The following CACNA2D3 variants were observed in gnomAD, a reference collection of about 807,000 sequenced individuals.
The protein encoded by CACNA2D3 is calcium voltage-gated channel auxiliary subunit alpha2delta 3, also known as voltage-dependent calcium channel subunit alpha-2/delta-3.
A neutral mutation model predicts 160.6 loss-of-function variants in CACNA2D3; 60 were observed. The observed-to-expected ratio is 0.37, with a 90% CI of 0.30 to 0.46. The LOEUF (loss-of-function observed/expected upper bound fraction) is 0.46. CACNA2D3 is among the 20% of genes least tolerant of loss of function. The probability of loss-of-function intolerance (pLI) is 1.00; values close to 1 mark genes in which losing one functional copy is unlikely to be tolerated. For synonymous variants in CACNA2D3, 558 were observed against 492.9 expected, an observed-to-expected ratio of 1.13 and a Z score of -1.75; for missense variants, 1,205 against 1,365.0, an observed-to-expected ratio of 0.88 and a Z score of 1.85.
intron 5 of CACNA2D3, among the ~76,000 whole-genome samples, chr3:54,533,613 G>A (rs1453103663): frequency 3.9e-5 from 6 of 152,104 alleles, no homozygotes; most frequent in Admixed American, 3.9e-4. Flanking sequence ...GGGATTACAG[G>A]TGTGAGCCAC....
At chr3:55,050,355 A>G (rs1001187156) in intron 35 of CACNA2D3, among the ~76,000 whole-genome samples, 5 of 150,410 alleles carry the variant, frequency 3.3e-5, no homozygotes, top group East Asian at 2.0e-4. Flanking sequence ...TTTCTCCTTC[A>G]CTTCTGAAGC....
chr3:54,798,756 C>T (rs186602049), intron 13 of CACNA2D3, among the ~76,000 whole-genome samples: 1 of 152,184 alleles, frequency 6.6e-6, no homozygotes, highest in Non-Finnish European at 1.5e-5. Flanking sequence ...AACCCACTAG[C>T]GAGCAGCAGC....
rs141897060 is a variant in CACNA2D3 at position 54,611,887 on chromosome 3, T to C, written c.964-15900T>C. Among the ~76,000 whole-genome samples, 31 of 152,342 alleles carry C rather than the reference T, an allele frequency of 2.0e-4. No homozygotes were observed. In the East Asian group the frequency reaches 6.0e-3, roughly 29 times the overall value. The stretch of plus-strand genomic sequence containing the variant: ...ATAAATGAATTCAGCACACATACTG[T>C]TAAAGGGATGTTTGTTTTATCTTTC... On this transcript the variant is annotated intron_variant, in intron 9 of 37. Transcript: ENST00000474759.
chr3:54,196,019 C>G (rs749165811), intron 2 of CACNA2D3, among the ~76,000 whole-genome samples: 1 of 152,124 alleles, frequency 6.6e-6, no homozygotes, highest in Non-Finnish European at 1.5e-5. Flanking sequence ...GTCACATCAC[C>G]GAGGACAATG....
rs549607542 is a variant in CACNA2D3, at chr3:54,857,451, G to GC, written c.1626+10985dup. Among the ~76,000 whole-genome samples, 17 of 152,252 alleles carry GC rather than the reference G, an allele frequency of 1.1e-4. No homozygotes were observed. In the East Asian group the frequency reaches 2.1e-3, roughly 19 times the overall value. On this transcript the variant is annotated intron_variant, in intron 17 of 37. Transcript: ENST00000474759. ...GCAGACAAGATGTGACGAGAAATTAGCATCCCTCAGCCAAAGACTGCCCTT... is the reference window on the plus strand; with the variant it reads ...GCAGACAAGATGTGACGAGAAATTAGCCATCCCTCAGCCAAAGACTGCCCTT...
intron 14 of CACNA2D3, among the ~76,000 whole-genome samples, chr3:54,831,495 C>T (rs1405556571): frequency 1.3e-5 from 2 of 152,250 alleles, no homozygotes; most frequent in Non-Finnish European, 2.9e-5. Context: ...ATAGCCACAG[C>T]TGCTCCCCAC....
intron 12 of CACNA2D3, among the ~76,000 whole-genome samples, chr3:54,762,457 T>C (rs1349921593): frequency 1.3e-5 from 2 of 152,194 alleles, no homozygotes; most frequent in Non-Finnish European, 2.9e-5. Flanking sequence ...AAGTTTTAGC[T>C]TAATGTTGAA....
At chr3:54,542,114 T>G (rs1701990651) in intron 5 of CACNA2D3, among the ~76,000 whole-genome samples, 1 of 152,002 alleles carries the variant, frequency 6.6e-6, no homozygotes, top group Non-Finnish European at 1.5e-5. Flanking sequence ...CAGGCTGGAG[T>G]GCAGTGGCGT....
intron 27 of CACNA2D3, among the ~76,000 whole-genome samples, chr3:54,907,959 A>G (rs1395028716): frequency 1.3e-5 from 2 of 152,190 alleles, no homozygotes; most frequent in Non-Finnish European, 1.5e-5. Context: ...AACATTTAGC[A>G]CATCCATTCA....
intron 11 of CACNA2D3, among the ~76,000 whole-genome samples, chr3:54,664,996 T>C (rs1244766823): frequency 1.3e-5 from 2 of 152,196 alleles, no homozygotes; most frequent in African/African-American, 4.8e-5. Context: ...TCCTTTGTAT[T>C]ACCATTGTTC....
chr3:54,823,349 T>C (rs1309876084), intron 14 of CACNA2D3, among the ~76,000 whole-genome samples: 1 of 152,088 alleles, frequency 6.6e-6, no homozygotes, highest in Non-Finnish European at 1.5e-5. Flanking sequence ...AAAAACAAAG[T>C]AAAAACAATA....
At chr3:54,548,477 A>C (rs189030015) in intron 5 of CACNA2D3, among the ~76,000 whole-genome samples, 3 of 152,298 alleles carry the variant, frequency 2.0e-5, no homozygotes, top group African/African-American at 7.2e-5. Context: ...CCCATTGGCT[A>C]TTTGAAGCTC....
intron 11 of CACNA2D3, among the ~76,000 whole-genome samples, chr3:54,643,185 A>G (rs1442514003): frequency 6.6e-6 from 1 of 152,332 alleles, no homozygotes; most frequent in South Asian, 2.1e-4. Context: ...TCTGTTTTGC[A>G]TACTTAATTT....
At chr3:54,747,712 C>G (rs1161237804) in intron 11 of CACNA2D3, among the ~76,000 whole-genome samples, 1 of 152,084 alleles carries the variant, frequency 6.6e-6, no homozygotes, top group African/African-American at 2.4e-5. Context: ...CTGGAGCTTC[C>G]CTGTCGCAGG....
chr3:54,128,898 A>G (rs1469562113), intron 2 of CACNA2D3, among the ~76,000 whole-genome samples: 2 of 152,232 alleles, frequency 1.3e-5, no homozygotes, highest in East Asian at 3.8e-4. Flanking sequence ...TTTATACAAG[A>G]GACATAACGG....
At chr3:54,245,858 T>C (rs1326584208) in intron 2 of CACNA2D3, among the ~76,000 whole-genome samples, 1 of 152,232 alleles carries the variant, frequency 6.6e-6, no homozygotes, top group Non-Finnish European at 1.5e-5. Flanking sequence ...TAAAAGAGTG[T>C]ATTGTCAAGA....
chr3:55,063,344 C>T (rs373647999), intron 35 of CACNA2D3, among the ~76,000 whole-genome samples: 97 of 150,292 alleles, frequency 6.5e-4, no homozygotes, highest in African/African-American at 2.3e-3. Context: ...CTAGACCAGA[C>T]AGTCTCAGCC....
intron 4 of CACNA2D3, among the ~76,000 whole-genome samples, chr3:54,406,969 A>C (rs1345791782): frequency 6.6e-6 from 1 of 152,206 alleles, no homozygotes; most frequent in Non-Finnish European, 1.5e-5. Flanking sequence ...GTGGAACAGC[A>C]AACAGCAGAG....
At chr3:54,564,835 C>T (rs1179315858) in intron 6 of CACNA2D3, among the ~76,000 whole-genome samples, 1 of 152,194 alleles carries the variant, frequency 6.6e-6, no homozygotes, top group Non-Finnish European at 1.5e-5. Context: ...TTCCAGCTAG[C>T]TCCAGCAAGA....
Sources: gnomAD v4.1 joint callset for allele counts (sites outside exome capture counted in the v4.1 genomes callset) on GRCh38, gnomAD v4.1.1 for gene constraint, MANE v1.5 for transcripts, NCBI Gene and HGNC (gene_info 2026-07-23, HGNC 2026-07-21) for gene names.